Variants in ENTPD3 observed in about 807,000 individuals in gnomAD.
ENTPD3 encodes CD39 antigen-like 3.
ENTPD3 carries 60 observed loss-of-function variants against 51.2 expected under a neutral mutation model. The ratio of observed to expected loss-of-function variants is 1.17; its 90% CI spans 0.95 to 1.45. The LOEUF is 1.45. Among genes scored for constraint, ENTPD3 ranks in the 40% most tolerant of loss-of-function variants. The pLI is 0.00. For synonymous variants in ENTPD3, 221 were observed against 238.4 expected, an observed-to-expected ratio of 0.93 and a Z score of 0.67; for missense variants, 593 against 641.1, an observed-to-expected ratio of 0.93 and a Z score of 0.81.
At position 40,416,019 on chromosome 3, in the gene ENTPD3, C is replaced by A. The variant is rs767085943; in HGVS notation, c.777C>A (p.Phe259Leu). 6.2e-6 allele frequency: 10 copies of A among 1,613,942 alleles called. No individual in the cohort carries two copies. Among genetic ancestry groups the A allele is most frequent in the African/African-American group, 1.3e-5 (1 of 74,910 alleles). Residue 259 changes from phenylalanine to leucine, a missense_variant, in exon 7 of 11, where the codon TTC (phenylalanine) becomes TTA (leucine). Coordinates refer to ENST00000301825, the MANE Select transcript of ENTPD3 (RefSeq NM_001248.4). ...TATACACGCTCTACACACACAGCTTCCAGTGCTATGGCCGGAATGAGGCTG... is the reference window on the plus strand; with the variant it reads ...TATACACGCTCTACACACACAGCTTACAGTGCTATGGCCGGAATGAGGCTG... ...GYVYTLYTHS[F>L]QCYGRNEAEK...
At chr3:40,391,344 G>A (rs1486596363) in intron 2 of ENTPD3, 1 of 151,816 alleles carries the variant, frequency 6.6e-6, no homozygotes, top group Non-Finnish European at 1.5e-5. Flanking sequence ...TCTATCACCT[G>A]GTTTAATTTT....
Position 40,422,908 on chromosome 3 carries a change from G to A in ENTPD3, c.890G>A (p.Ser297Asn). 1 of 1,613,932 alleles carries A rather than the reference G, an allele frequency of 6.2e-7. No homozygotes were observed. Among genetic ancestry groups the A allele is most frequent in the Non-Finnish European group, 8.5e-7 (1 of 1,179,964 alleles). ...TGTTACCCTCGGGATTATAGCATCAGCTTCACCATGGGCCATGTATTTGAT... is the reference window on the plus strand; with the variant it reads ...TGTTACCCTCGGGATTATAGCATCAACTTCACCATGGGCCATGTATTTGAT... ...NPCYPRDYSI[S>N]FTMGHVFDSL... The change falls in exon 8 of 11, where the codon AGC (serine) becomes AAC (asparagine). Residue 297 changes from serine (S) to asparagine (N), a missense_variant. Coordinates refer to ENST00000301825, the MANE Select transcript of ENTPD3 (RefSeq NM_001248.4).
At chr3:40,412,262 A>C (rs1955653177) in intron 5 of ENTPD3, among the ~76,000 whole-genome samples, 1 of 152,212 alleles carries the variant, frequency 6.6e-6, no homozygotes. Flanking sequence ...TTTGAAAAGT[A>C]GTTGTTTTGA....
chr3:40,409,359 T>C (rs187439892), intron 4 of ENTPD3, among the ~76,000 whole-genome samples: 2 of 152,318 alleles, frequency 1.3e-5, no homozygotes, highest in Non-Finnish European at 2.9e-5. Flanking sequence ...ACTCCTGAGA[T>C]CAAGCCACTG....
In ENTPD3 at chr3:40,398,378, C is replaced by T. The variant is rs140555513; in HGVS notation, c.169-2516C>T. On this transcript the variant is annotated intron_variant, in intron 3 of 10. Transcript: ENST00000301825. ...TCTTGTTTTATGGTTCAGCACCAGG[C>T]GTGGCAGGGCGGGCTGGAGTGGTGG... 1.6e-3 allele frequency among the ~76,000 whole-genome samples: 236 copies of T among 152,228 alleles called. 3 individuals carry two copies. The highest frequency in any genetic ancestry group is 3.1e-4 in the Non-Finnish European group (21 of 68,022).
intron 4 of ENTPD3, among the ~76,000 whole-genome samples, chr3:40,404,600 C>T (rs1385215836): frequency 1.1e-5 from 1 of 87,248 alleles, no homozygotes; most frequent in Non-Finnish European, 3.0e-5. Flanking sequence ...ATGGAGGCCA[C>T]AGCATATCCA....
At position 40,393,484 on chromosome 3, in the gene ENTPD3, G is replaced by T. The variant is rs146070858; in HGVS notation, c.168+1334G>T. Among the ~76,000 whole-genome samples, 968 of 152,152 alleles carry T rather than the reference G, an allele frequency of 6.4e-3. 4 individuals are homozygous for T. The highest frequency in any genetic ancestry group is 0.011 in the Non-Finnish European group (748 of 67,982). Reference sequence around the variant, plus strand: ...ATACATAGACATTTTTAAAAGAAAAGAAACTAATATTGTTTTGGACTCTAA... The same window carrying T: ...ATACATAGACATTTTTAAAAGAAAATAAACTAATATTGTTTTGGACTCTAA... On this transcript the variant is annotated intron_variant, in intron 3 of 10. Coordinates refer to ENST00000301825, the MANE Select transcript of ENTPD3 (RefSeq NM_001248.4).
At chr3:40,426,827 C>T (rs1955994696) in intron 10 of ENTPD3, among the ~76,000 whole-genome samples, 1 of 152,130 alleles carries the variant, frequency 6.6e-6, no homozygotes, top group South Asian at 2.1e-4. Context: ...TAATAAAACA[C>T]CCTAAAAACA....
At chr3:40,403,420 A>G (rs947674071) in intron 4 of ENTPD3, among the ~76,000 whole-genome samples, 1 of 152,212 alleles carries the variant, frequency 6.6e-6, no homozygotes. Flanking sequence ...CTGATCCGTT[A>G]TGCTGCACTG....
intron 10 of ENTPD3, 54 bp downstream of exon 10, chr3:40,424,017 T>C: frequency 1.2e-6 from 2 of 1,611,460 alleles, no homozygotes; most frequent in Non-Finnish European, 1.7e-6. Context: ...GAGGTTTGTA[T>C]GTGTGTGTGG....
At chr3:40,403,627 A>G (rs17078914) in intron 4 of ENTPD3, among the ~76,000 whole-genome samples, 10,239 of 151,278 alleles carry the variant, frequency 0.068, 815 homozygotes, top group African/African-American at 0.19. Context: ...GATTCACCAC[A>G]TAAGGGACTT....
At chr3:40,409,565 A>G (rs375834726) in intron 4 of ENTPD3, among the ~76,000 whole-genome samples, 1 of 152,210 alleles carries the variant, frequency 6.6e-6, no homozygotes, top group Admixed American at 6.5e-5. Flanking sequence ...TGTAATTACA[A>G]TGCTCAGGTT....
At chr3:40,423,703 T>A (rs367564573) in intron 9 of ENTPD3, 123 bp from the exon 10 acceptor site, 3 of 1,096,700 alleles carry the variant, frequency 2.7e-6, no homozygotes, top group Non-Finnish European at 3.9e-6. Flanking sequence ...GATTGTATTA[T>A]AAAGTATTTT....
intron 2 of ENTPD3, among the ~76,000 whole-genome samples, chr3:40,389,324 G>T (rs1343505208): frequency 6.6e-6 from 1 of 151,634 alleles, no homozygotes; most frequent in Non-Finnish European, 1.5e-5. Flanking sequence ...TGGATTAACT[G>T]GTTCCTGTAC....
intron 1 of ENTPD3, 150 bp from the exon 2 acceptor site, chr3:40,387,896 C>G (rs1165285768): frequency 1.7e-6 from 1 of 598,162 alleles, no homozygotes; most frequent in African/African-American, 1.9e-5. Flanking sequence ...GGGGCTGTCT[C>G]TGAAGTTCTG....
At chr3:40,395,773 G>A (rs750160891) in intron 3 of ENTPD3, among the ~76,000 whole-genome samples, 3 of 152,204 alleles carry the variant, frequency 2.0e-5, no homozygotes, top group Non-Finnish European at 4.4e-5. Flanking sequence ...CGGGCCACTA[G>A]TTAAGCCTTC....
Position 40,401,047 on chromosome 3 carries a change from C to G in ENTPD3, c.286+36C>G, listed in dbSNP as rs777299047. ...AAGTGTGTCTGGGAGTCACAATGGG[C>G]AGCAAGGTAGAGTTCTAAGTGTTTT... On this transcript the variant is annotated intron_variant, in intron 4 of 10. Transcript: ENST00000301825. The G allele has an allele frequency of 6.0e-6, 9 of 1,494,590 alleles. No individual in the cohort carries two copies. The East Asian group carries it at 1.8e-4, about 30-fold the overall frequency. 92.6% of individuals were successfully genotyped at this position (1,494,590 alleles called of 1,614,324 possible).
At chr3:40,407,362 C>T (rs1369687977) in intron 4 of ENTPD3, among the ~76,000 whole-genome samples, 3 of 152,044 alleles carry the variant, frequency 2.0e-5, no homozygotes, top group Non-Finnish European at 2.9e-5. Context: ...AAAAACTTTA[C>T]TTGTGGACAC....
At chr3:40,421,232 C>T (rs1018756328) in intron 7 of ENTPD3, among the ~76,000 whole-genome samples, 2 of 151,818 alleles carry the variant, frequency 1.3e-5, no homozygotes, top group African/African-American at 4.8e-5. Context: ...CCATGTTGCC[C>T]AGGCTGGTCT....
Sources: allele counts gnomAD v4.1 joint callset (sites outside exome capture counted in the v4.1 genomes callset), GRCh38; gene constraint gnomAD v4.1.1; transcripts MANE v1.5; gene names NCBI Gene and HGNC (gene_info 2026-07-23, HGNC 2026-07-21).